The following R3HDM1 variants were observed in gnomAD, a reference collection of about 807,000 sequenced individuals.
R3HDM1 encodes R3H domain containing 1.
In R3HDM1, 46 loss-of-function variants were observed where a neutral mutation model predicts 141.1. The observed-to-expected ratio is 0.33, with a 90% CI of 0.26 to 0.42. The LOEUF is 0.42. Ranked by LOEUF, R3HDM1 falls within the 10% of genes least tolerant of loss-of-function variation. R3HDM1 has a pLI of 1.00. For synonymous variants in R3HDM1, 435 were observed against 472.9 expected (o/e 0.92, Z 1.04); for missense variants, 1,184 against 1,368.3 (o/e 0.87, Z 2.12).
chr2:135,608,101 G>T, intron 3 of R3HDM1: 1 of 449,776 alleles, frequency 2.2e-6, no homozygotes, highest in Non-Finnish European at 2.9e-6. Flanking sequence ...GGGTCACAAG[G>T]TCAGGAGTTC....
At chr2:135,710,695 A>G (rs1486329387) in intron 23 of R3HDM1, among the ~76,000 whole-genome samples, 1 of 152,170 alleles carries the variant, frequency 6.6e-6, no homozygotes, top group East Asian at 1.9e-4. Flanking sequence ...TTTAAATATT[A>G]TTTGCTAACT....
At position 135,723,870 on chromosome 2, in the gene R3HDM1, G is replaced by A. The variant is rs1035895896; in HGVS notation, c.3050-67G>A. On this transcript the variant is annotated intron_variant, in intron 26 of 26. Transcript: ENST00000683871. ...CATTTCCCATGTCATATTTGGGTCTGCAGTGCTTTTTTACCCAACTTTTTT... is the reference window on the plus strand; with the variant it reads ...CATTTCCCATGTCATATTTGGGTCTACAGTGCTTTTTTACCCAACTTTTTT... 16 of 1,214,186 alleles carry A rather than the reference G, an allele frequency of 1.3e-5. No homozygotes were observed. The African/African-American group carries it at 2.3e-4, about 17-fold the overall frequency. 75.2% of individuals were successfully genotyped at this position (1,214,186 alleles called of 1,614,324 possible).
intron 24 of R3HDM1, among the ~76,000 whole-genome samples, chr2:135,716,860 G>A (rs532492908): frequency 2.6e-5 from 4 of 152,270 alleles, no homozygotes; most frequent in African/African-American, 9.6e-5. Context: ...GCTGAAGCAG[G>A]AGAATCACTT....
At chr2:135,621,453 T>C in intron 5 of R3HDM1, 41 bp from the exon 6 acceptor site, 1 of 1,228,824 alleles carries the variant, frequency 8.1e-7, no homozygotes, top group Non-Finnish European at 1.1e-6. Context: ...AAATGAATTG[T>C]ATTGTATTTT....
At chr2:135,722,331 C>A in intron 25 of R3HDM1, 138 bp from the exon 26 acceptor site, 1 of 836,420 alleles carries the variant, frequency 1.2e-6, no homozygotes, top group Non-Finnish European at 1.9e-6. Flanking sequence ...AGGCAGAATC[C>A]AGAAGGCCTG....
At chr2:135,561,446 G>A (rs1701780297) in intron 1 of R3HDM1, 8 of 701,274 alleles carry the variant, frequency 1.1e-5, no homozygotes, top group African/African-American at 1.9e-5. Context: ...GTGGGACGTG[G>A]TGGCTCACAC....
Position 135,646,094 on chromosome 2 carries a change from G to A in R3HDM1, c.1623+567G>A, listed in dbSNP as rs144005606. ...CCTACAGTTGTATTATCCATCTTTGGGGAACTTGACTATACCAGTATGAAC... is the reference window on the plus strand; with the variant it reads ...CCTACAGTTGTATTATCCATCTTTGAGGAACTTGACTATACCAGTATGAAC... On this transcript the variant is annotated intron_variant, in intron 16 of 26. Coordinates refer to ENST00000683871, the MANE Select transcript of R3HDM1 (RefSeq NM_001378107.1). 5.9e-5 allele frequency among the ~76,000 whole-genome samples: 9 copies of A among 151,848 alleles called. No homozygotes were observed. The East Asian group carries it at 1.5e-3, about 26-fold the overall frequency.
intron 18 of R3HDM1, among the ~76,000 whole-genome samples, chr2:135,653,142 G>T (rs1246556332): frequency 6.6e-6 from 1 of 151,124 alleles, no homozygotes; most frequent in East Asian, 1.9e-4. Context: ...AATCACTTGA[G>T]GTCAGGAGTT....
intron 6 of R3HDM1, 25 bp downstream of exon 6, chr2:135,621,633 TAAAA>T (rs200788359): frequency 1.4e-6 from 2 of 1,392,326 alleles, no homozygotes; most frequent in African/African-American, 3.9e-5. Context: ...TGTTTTTTTT[TAAAA>T]AAAAATTTTG....
chr2:135,717,793 C>T (rs1300196336), intron 24 of R3HDM1, among the ~76,000 whole-genome samples: 21 of 152,204 alleles, frequency 1.4e-4, no homozygotes, highest in Admixed American at 1.4e-3. Flanking sequence ...ATGGCAGTTT[C>T]CTAAGACTTT....
intron 7 of R3HDM1, among the ~76,000 whole-genome samples, chr2:135,627,314 C>T (rs1168382173): frequency 6.6e-6 from 1 of 152,078 alleles, no homozygotes; most frequent in African/African-American, 2.4e-5. Flanking sequence ...AAAATTTAGT[C>T]AGCCTTTCCT....
At chr2:135,665,387 G>C (rs1393956901) in intron 19 of R3HDM1, 1 of 524,722 alleles carries the variant, frequency 1.9e-6, no homozygotes. Flanking sequence ...GCAATAATTG[G>C]CCTTGTTCCT....
intron 21 of R3HDM1, among the ~76,000 whole-genome samples, chr2:135,698,627 A>C (rs1448504524): frequency 6.6e-6 from 1 of 152,174 alleles, no homozygotes. Flanking sequence ...AGACTGAGTA[A>C]TCTATAAAGA....
At chr2:135,591,485 T>A (rs1709264973) in intron 1 of R3HDM1, among the ~76,000 whole-genome samples, 1 of 152,240 alleles carries the variant, frequency 6.6e-6, no homozygotes, top group African/African-American at 2.4e-5. Context: ...AGCAAATGCC[T>A]ACTCATTGAT....
Position 135,604,806 on chromosome 2 carries a change from G to C in R3HDM1, c.-40G>C. ...ACTGTATTAATTTTTTTTTCTTAAG[G>C]CTTCAAGCTCCCTGTAGAATTCGAA... On this transcript the variant is annotated splice_region_variant and 5_prime_UTR_variant, in exon 3 of 27. Transcript: ENST00000683871. 1 of 1,599,790 alleles carries C rather than the reference G, an allele frequency of 6.3e-7. No homozygotes were observed. The highest frequency in any genetic ancestry group is 8.5e-7 in the Non-Finnish European group (1 of 1,170,566).
chr2:135,658,935 G>A (rs1288887769), intron 18 of R3HDM1, among the ~76,000 whole-genome samples: 1 of 151,918 alleles, frequency 6.6e-6, no homozygotes, highest in Non-Finnish European at 1.5e-5. Context: ...TGTCCCTCTA[G>A]AAGGTCTTCA....
chr2:135,575,165 T>A (rs188357264), intron 1 of R3HDM1, among the ~76,000 whole-genome samples: 5 of 152,314 alleles, frequency 3.3e-5, no homozygotes, highest in African/African-American at 1.2e-4. Flanking sequence ...ATGAAAATAA[T>A]GAAGAAATTC....
chr2:135,696,076 A>G (rs1218153780), intron 21 of R3HDM1, among the ~76,000 whole-genome samples: 1 of 152,234 alleles, frequency 6.6e-6, no homozygotes, highest in Non-Finnish European at 1.5e-5. Flanking sequence ...GAATACTAGA[A>G]GAAACCCAAA....
At chr2:135,556,957 T>A in intron 1 of R3HDM1, among the ~76,000 whole-genome samples, 1 of 152,112 alleles carries the variant, frequency 6.6e-6, no homozygotes, top group South Asian at 2.1e-4. Context: ...CTAGCATCCT[T>A]TTTTTTTAAA....
Sources: allele counts gnomAD v4.1 joint callset (sites outside exome capture counted in the v4.1 genomes callset), GRCh38; gene constraint gnomAD v4.1.1; transcripts MANE v1.5; gene names NCBI Gene and HGNC (gene_info 2026-07-23, HGNC 2026-07-21).